Variants in GRK4 observed in about 807,000 individuals in gnomAD.
GRK4 encodes G protein-coupled receptor kinase 4.
GRK4 carries 73 observed loss-of-function variants against 77.9 expected under a neutral mutation model. That is an observed-to-expected ratio of 0.94 (90% confidence interval 0.78 to 1.14). GRK4 has a LOEUF of 1.14. Among genes scored for constraint, GRK4 ranks in the 50% most tolerant of loss-of-function variants. The pLI, the probability that GRK4 is intolerant of heterozygous loss-of-function variation, is 0.00. For missense variants in GRK4, 729 were observed against 700.2 expected, an observed-to-expected ratio of 1.04 and a Z score of -0.46; for synonymous variants, 257 against 254.4, an observed-to-expected ratio of 1.01 and a Z score of -0.10.
Position 2,981,019 on chromosome 4 carries a change from G to A in GRK4, c.53-3494G>A, listed in dbSNP as rs1018399448. On this transcript the variant is annotated intron_variant, in intron 1 of 15. Transcript: ENST00000398052. ...AGGGCAGGCAGCTCCAGGCACAGGC[G>A]CTGGTTACCTGCTGTGGCTGTGGCT... Among the ~76,000 whole-genome samples the A allele has an allele frequency of 2.8e-4, 42 of 152,362 alleles. 1 individual carries two copies. The highest frequency in any genetic ancestry group is 3.4e-3 in the Middle Eastern group (1 of 294).
At chr4:2,965,483 C>A in intron 1 of GRK4, 1 of 702,770 alleles carries the variant, frequency 1.4e-6, no homozygotes, top group South Asian at 1.5e-5. Flanking sequence ...CAGCTCTGCT[C>A]GGACTGTGCT....
In GRK4 at chr4:3,013,811, G is replaced by A. The variant is rs1302120416; in HGVS notation, c.724G>A (p.Val242Met). 4 of 1,609,740 alleles carry A rather than the reference G, an allele frequency of 2.5e-6. No homozygotes were observed. In the South Asian group the frequency reaches 4.5e-5, roughly 18 times the overall value. Residue 242 changes from valine to methionine, a missense_variant, in exon 8 of 16, where the codon GTG (valine) becomes ATG (methionine). Physicochemically the swap from Val to Met is conservative, Grantham distance 21. Coordinates refer to ENST00000398052, the MANE Select transcript of GRK4 (RefSeq NM_182982.3). ...AAATGAGAAAAGAATTCTGGAGAAA[G>A]TGCAAAGTAGATTCGTAGTAAGTGT... ...ALNEKRILEK[V>M]QSRFVVSLAY...
intron 6 of GRK4, among the ~76,000 whole-genome samples, chr4:3,009,421 CAAA>C (rs33988983): frequency 0.015 from 1,271 of 86,680 alleles, 12 homozygotes; most frequent in African/African-American, 0.043. Context: ...GACTCCATCT[CAAA>C]AAAAAAAAAA....
intron 8 of GRK4, among the ~76,000 whole-genome samples, chr4:3,014,990 C>T (rs573226688): frequency 3.3e-5 from 5 of 152,228 alleles, no homozygotes; most frequent in African/African-American, 1.2e-4. Flanking sequence ...ATCTGCTTTC[C>T]GTCTTTTCCT....
At chr4:2,977,384 A>G (rs1326549586) in intron 1 of GRK4, among the ~76,000 whole-genome samples, 1 of 152,158 alleles carries the variant, frequency 6.6e-6, no homozygotes, top group Non-Finnish European at 1.5e-5. Context: ...CTACTGAATA[A>G]CGCAGAGCTC....
At chr4:2,993,486 C>T (rs1726885438) in intron 4 of GRK4, among the ~76,000 whole-genome samples, 1 of 152,124 alleles carries the variant, frequency 6.6e-6, no homozygotes, top group Admixed American at 6.6e-5. Context: ...CAGGCCTGGC[C>T]AATATGGTGA....
intron 1 of GRK4, among the ~76,000 whole-genome samples, chr4:2,970,024 G>T (rs1425228697): frequency 6.6e-6 from 1 of 152,180 alleles, no homozygotes; most frequent in African/African-American, 2.4e-5. Flanking sequence ...TTTCTAGAAA[G>T]AGTTATAAAC....
chr4:3,009,809 C>T lies in GRK4; in HGVS notation c.600+98C>T, dbSNP rs908149789. The T allele has an allele frequency of 3.9e-5, 30 of 773,408 alleles. No individual in the cohort carries two copies. The Admixed American group carries it at 5.0e-4, about 13-fold the overall frequency. The allele number at this position is 773,408 out of a possible 1,614,324, so 47.9% of individuals were successfully genotyped here. Reference sequence around the variant, plus strand: ...AGGTAATGCATCAGCTCTCCCAGTACACTGTTGCCTTAGTGGGTGTTTTGG... The same window carrying T: ...AGGTAATGCATCAGCTCTCCCAGTATACTGTTGCCTTAGTGGGTGTTTTGG... On this transcript the variant is annotated intron_variant, in intron 7 of 15. Transcript: ENST00000398052.
Position 3,001,089 on chromosome 4 carries a change from A to ATATATATATATATATGTGTGTGTGTG in GRK4, c.340-3141_340-3140insATATATATATATATGTGTGTGTGTGT. Among the ~76,000 whole-genome samples the ATATATATATATATATGTGTGTGTGTG allele has an allele frequency of 1.1e-4, 9 of 82,428 alleles. 1 individual carries two copies. Among genetic ancestry groups the ATATATATATATATATGTGTGTGTGTG allele is most frequent in the African/African-American group, 3.5e-4 (6 of 17,186 alleles). The allele number at this position is 82,428 out of a possible 152,430, so 54.1% of individuals were successfully genotyped here. ...TAAATGAGACTATATATATATATAT[A>ATATATATATATATATGTGTGTGTGTG]TGTGTGTGTGTGTGTGTATATATAT... On this transcript the variant is annotated intron_variant, in intron 4 of 15. Transcript: ENST00000398052.
At chr4:2,997,169 G>T (rs1396931583) in intron 4 of GRK4, among the ~76,000 whole-genome samples, 1 of 151,882 alleles carries the variant, frequency 6.6e-6, no homozygotes. Flanking sequence ...TTCCTCTCAG[G>T]GTTCTCAAAT....
rs138608466 is a variant in GRK4 at position 2,964,101 on chromosome 4, C to A, written c.31C>A (p.Leu11Met). 339 of 1,607,636 alleles carry A rather than the reference C, an allele frequency of 2.1e-4. No individual in the cohort carries two copies. Among genetic ancestry groups the A allele is most frequent in the Middle Eastern group, 5.0e-4 (3 of 6,022 alleles). ...GCTCGAGAACATCGTGGCCAACTCG[C>A]TGCTGCTGAAAGCGCGTCAAGGTGG... MELENIVANS[L>M]LLKARQGGYG... The change falls in exon 1 of 16, where the codon CTG becomes ATG. Residue 11 changes from leucine (L) to methionine (M), a missense_variant. Transcript: ENST00000398052.
At position 3,029,296 on chromosome 4, in the gene GRK4, T is replaced by C; in HGVS notation, c.1156T>C (p.Phe386Leu). The stretch of plus-strand genomic sequence containing the variant: ...TGAAATGATTCAGGGACATTCTCCA[T>C]TCAAAAAATACAAAGAGAAAGTCAA... ...IYEMIQGHSP[F>L]KKYKEKVKWE... The change falls in exon 12 of 16, where the codon TTC (phenylalanine) becomes CTC (leucine). Residue 386 changes from phenylalanine (F) to leucine (L), a missense_variant. Transcript: ENST00000398052. 1 of 1,614,086 alleles carries C rather than the reference T, an allele frequency of 6.2e-7. No homozygotes were observed.
intron 2 of GRK4, chr4:2,986,809 C>A: frequency 3.0e-6 from 1 of 337,830 alleles, no homozygotes; most frequent in Non-Finnish European, 6.0e-6. Context: ...TCCTTTAGTA[C>A]TATTGTAGTT....
At chr4:3,028,103 G>C (rs1340137539) in intron 11 of GRK4, 102 bp downstream of exon 11, 5 of 953,890 alleles carry the variant, frequency 5.2e-6, no homozygotes, top group Non-Finnish European at 8.5e-6. Context: ...CCTCGGTTTG[G>C]ACACACTAGT....
chr4:2,985,029 C>T (rs1254794812), intron 2 of GRK4, among the ~76,000 whole-genome samples: 3 of 152,182 alleles, frequency 2.0e-5, no homozygotes, highest in African/African-American at 7.2e-5. Flanking sequence ...TTCCTCTCCC[C>T]ATGACCGAGC....
At position 2,974,982 on chromosome 4, in the gene GRK4, C is replaced by G. The variant is rs778713939; in HGVS notation, c.53-9531C>G. 4.5e-4 allele frequency among the ~76,000 whole-genome samples: 69 copies of G among 152,280 alleles called. 1 individual carries two copies. The highest frequency in any genetic ancestry group is 3.1e-3 in the South Asian group (15 of 4,826). On this transcript the variant is annotated intron_variant, in intron 1 of 15. Transcript: ENST00000398052. Reference sequence around the variant, plus strand: ...CCAAATATCCATGCACAGCCTTCTTCCCTTACAGGTATCCTAATCTCCCTT... The same window carrying G: ...CCAAATATCCATGCACAGCCTTCTTGCCTTACAGGTATCCTAATCTCCCTT...
chr4:2,996,231 A>G (rs944443076), intron 4 of GRK4, among the ~76,000 whole-genome samples: 2 of 152,196 alleles, frequency 1.3e-5, no homozygotes, highest in African/African-American at 4.8e-5. Flanking sequence ...AGATAAGGGC[A>G]CTAGTCCCTT....
chr4:3,037,902 G>A (rs1360361824), intron 14 of GRK4, among the ~76,000 whole-genome samples: 2 of 147,998 alleles, frequency 1.4e-5, no homozygotes, highest in East Asian at 2.0e-4. Context: ...GCGACAGAAC[G>A]AGACTTCGTC....
chr4:2,964,141 CCCCCGA>C lies in GRK4; in HGVS notation c.52+24_52+29del. 1 of 1,557,172 alleles carries C rather than the reference CCCCCGA, an allele frequency of 6.4e-7. No homozygotes were observed. The highest frequency in any genetic ancestry group is 8.6e-7 in the Non-Finnish European group (1 of 1,156,176). ...CGTCAAGGTGGGTGCGCGGCAGGCG[CCCCCGA>C]CCCCCCCCCCAGAGAACCCCGAATC... On this transcript the variant is annotated intron_variant, in intron 1 of 15. Coordinates refer to ENST00000398052, the MANE Select transcript of GRK4 (RefSeq NM_182982.3).
Sources: gnomAD v4.1 joint callset for allele counts (sites outside exome capture counted in the v4.1 genomes callset) on GRCh38, gnomAD v4.1.1 for gene constraint, MANE v1.5 for transcripts, NCBI Gene and HGNC (gene_info 2026-07-23, HGNC 2026-07-21) for gene names.